TOP1MT: variants seen among roughly 807,000 people sequenced by gnomAD.
The protein encoded by TOP1MT is DNA topoisomerase I, mitochondrial.
In TOP1MT, 80 loss-of-function variants were observed where a neutral mutation model predicts 73.9. That is an observed-to-expected ratio of 1.08 (90% CI 0.90 to 1.30). The LOEUF (loss-of-function observed/expected upper bound fraction) is 1.30. Ranked by LOEUF, TOP1MT falls within the 50% of genes most tolerant of loss-of-function variation. The pLI, the probability that TOP1MT is intolerant of heterozygous loss-of-function variation, is 0.00. For missense variants in TOP1MT, 815 were observed against 808.0 expected (o/e 1.01, Z -0.10); for synonymous variants, 338 against 326.4 (o/e 1.04, Z -0.38).
intron 1 of TOP1MT, among the ~76,000 whole-genome samples, chr8:143,354,809 C>G (rs1011226020): frequency 1.3e-5 from 2 of 151,964 alleles, no homozygotes; most frequent in South Asian, 2.1e-4. Flanking sequence ...AGAACCAGAA[C>G]AGGTCCAGAG....
At chr8:143,315,524 C>T (rs7815223) in intron 12 of TOP1MT, among the ~76,000 whole-genome samples, 52,717 of 151,856 alleles carry the variant, frequency 0.35, 10,669 homozygotes, top group African/African-American at 0.55. Flanking sequence ...GGGGCCACTA[C>T]CAGTCTCCGC....
At chr8:143,342,953 G>C (rs1303639651) in intron 2 of TOP1MT, among the ~76,000 whole-genome samples, 1 of 151,976 alleles carries the variant, frequency 6.6e-6, no homozygotes, top group Non-Finnish European at 1.5e-5. Context: ...TAGAGAGGGG[G>C]TTTCATCATG....
At chr8:143,339,807 A>T (rs1244641258), upstream of TOP1MT, among the ~76,000 whole-genome samples, 3 of 133,336 alleles carry the variant, frequency 2.2e-5, 1 homozygote, top group African/African-American at 8.8e-5. Flanking sequence ...ACAGCATTCC[A>T]CCCCTGCCAG....
At chr8:143,347,791 C>A (rs956290937), upstream of TOP1MT, among the ~76,000 whole-genome samples, 2 of 152,142 alleles carry the variant, frequency 1.3e-5, no homozygotes, top group East Asian at 3.9e-4. Flanking sequence ...GAGGGCAGAG[C>A]CACCCTCAGT....
At chr8:143,348,788 A>G (rs1042276149), upstream of TOP1MT, among the ~76,000 whole-genome samples, 1 of 152,176 alleles carries the variant, frequency 6.6e-6, no homozygotes, top group African/African-American at 2.4e-5. This position sits in a 1 kb window ranked among gnomAD's most constrained non-coding sequence, Gnocchi z 4.6. Flanking sequence ...GCCAGCCAGA[A>G]AACGGCCCTT....
At chr8:143,324,291 G>A in intron 6 of TOP1MT, 149 bp from the exon 7 acceptor site, 1 of 1,342,498 alleles carries the variant, frequency 7.4e-7, no homozygotes, top group Non-Finnish European at 1.0e-6. Context: ...GCTGGGTGAT[G>A]CCGGCAGTGA....
In TOP1MT at chr8:143,324,067, G is replaced by A. The variant is rs912571568; in HGVS notation, c.892C>T (p.Arg298Trp). The A allele has an allele frequency of 7.4e-6, 12 of 1,613,780 alleles. No homozygotes were observed. The highest frequency in any genetic ancestry group is 3.3e-5 in the Admixed American group (2 of 60,010). Residue 298 changes from arginine to tryptophan, a missense_variant, in exon 7 of 14, where the codon CGG (arginine) becomes TGG (tryptophan). Transcript: ENST00000329245. ...GFVDEIRSQY[R>W]ADWKSREMKT... ...ATTTCCCGAGACTTCCAGTCAGCCC[G>A]GTACTGGGAGCGGATCTCGTCCACA...
In TOP1MT at chr8:143,310,786, C is replaced by T. The variant is rs576149682; in HGVS notation, c.1554-569G>A. On this transcript the variant is annotated intron_variant, in intron 12 of 13. Transcript: ENST00000329245. Reference sequence around the variant, plus strand: ...AAATACGGCTGAGAATGGGGCAGCCCGCCGGGCCAGAAGCATAGGTCCGGG... The same window carrying T: ...AAATACGGCTGAGAATGGGGCAGCCTGCCGGGCCAGAAGCATAGGTCCGGG... 2.6e-5 allele frequency among the ~76,000 whole-genome samples: 4 copies of T among 152,332 alleles called. No homozygotes were observed. In the South Asian group the frequency reaches 8.3e-4, roughly 32 times the overall value.
chr8:143,342,841 G>T (rs182687221), intron 2 of TOP1MT, among the ~76,000 whole-genome samples: 2 of 144,100 alleles, frequency 1.4e-5, no homozygotes, highest in Non-Finnish European at 3.0e-5. Context: ...CTGGAGTGCA[G>T]TGGCGTGATC....
chr8:143,325,846 A>G (rs1378331165), intron 4 of TOP1MT, among the ~76,000 whole-genome samples: 1 of 152,202 alleles, frequency 6.6e-6, no homozygotes, highest in Non-Finnish European at 1.5e-5. Context: ...AGGAGGGCTA[A>G]GGGAATCCCT....
In TOP1MT at chr8:143,325,413, C is replaced by A; in HGVS notation, c.604G>T (p.Asp202Tyr). ...TTCAGCATCCCCATCTTGGGATGGT[C>A]GCCACGGCCACGGAACAAGCCAGGC... ...EPPGLFRGRGDHPKMGMLKRR... is the reference protein window; with the variant it reads ...EPPGLFRGRGYHPKMGMLKRR... Residue 202 changes from aspartate (D) to tyrosine (Y), a missense_variant, in exon 5 of 14, where the codon GAC (aspartate) becomes TAC (tyrosine). Transcript: ENST00000329245. 1 of 1,612,620 alleles carries A rather than the reference C, an allele frequency of 6.2e-7. No homozygotes were observed. Among genetic ancestry groups the A allele is most frequent in the African/African-American group, 1.3e-5 (1 of 75,032 alleles).
chr8:143,345,541 G>T (rs1479627051), upstream of TOP1MT, among the ~76,000 whole-genome samples: 1 of 152,208 alleles, frequency 6.6e-6, no homozygotes, highest in East Asian at 1.9e-4. Context: ...AGGGCCTCTC[G>T]GGCTATACTC....
At position 143,315,833 on chromosome 8, in the gene TOP1MT, G is replaced by T; in HGVS notation, c.1459-12C>A. ...TTCTTTGCCTGGATCTGCAGGAAAA[G>T]GGTCCAGACAGGGCTGCCCCTCCCC... On this transcript the variant is annotated splice_polypyrimidine_tract_variant and intron_variant, in intron 11 of 13. Coordinates refer to ENST00000329245, the MANE Select transcript of TOP1MT (RefSeq NM_052963.3). The T allele has an allele frequency of 6.2e-7, 1 of 1,612,788 alleles. No individual in the cohort carries two copies. Among genetic ancestry groups the T allele is most frequent in the South Asian group, 1.1e-5 (1 of 91,082 alleles).
At chr8:143,326,117 G>A in intron 4 of TOP1MT, 105 bp downstream of exon 4, 3 of 1,327,260 alleles carry the variant, frequency 2.3e-6, no homozygotes, top group Non-Finnish European at 3.1e-6. Flanking sequence ...AGCTTTGTGA[G>A]AAGGGGCTTC....
intron 7 of TOP1MT, among the ~76,000 whole-genome samples, chr8:143,323,776 C>T (rs12681973): frequency 0.32 from 45,832 of 142,410 alleles, 9,504 homozygotes; most frequent in African/African-American, 0.48. Flanking sequence ...ATGCCACACA[C>T]AGGCACACCA....
chr8:143,349,694 G>A (rs1455992061), upstream of TOP1MT, among the ~76,000 whole-genome samples: 1 of 150,398 alleles, frequency 6.6e-6, no homozygotes, highest in African/African-American at 2.5e-5. Flanking sequence ...AGGTTGGAGT[G>A]CAGTGGCATG....
In TOP1MT at chr8:143,321,374, C is replaced by T. The variant is rs760932968; in HGVS notation, c.973G>A (p.Ala325Thr). ...LYFIDKLALR[A>T]GNEKEDGEAA... ...TCACCGTCCTCCTTCTCATTTCCTG[C>T]TCTCAGTGCCAGCTAGTTGGTGGGG... Residue 325 changes from alanine (A) to threonine (T), a missense_variant, in exon 8 of 14, where the codon GCA (alanine) becomes ACA (threonine). Physicochemically the swap from Ala to Thr is moderately conservative, Grantham distance 58 (BLOSUM62 0). Transcript: ENST00000329245. The T allele has an allele frequency of 2.6e-5, 42 of 1,586,954 alleles. No individual in the cohort carries two copies. The highest frequency in any genetic ancestry group is 3.4e-5 in the Non-Finnish European group (40 of 1,160,872).
Position 143,334,833 on chromosome 8 carries a change from C to CGGA in TOP1MT, c.26_28dup (p.Leu9dup). ...CTCCCCGAGCAGCGTCAGAGCCGCCCGGAGCCGCAGCAGCCGCACCACGCG... is the reference window on the plus strand; with the variant it reads ...CTCCCCGAGCAGCGTCAGAGCCGCCCGGAGGAGCCGCAGCAGCCGCACCACGCG... On this transcript the variant is annotated inframe_insertion, in exon 1 of 14. Transcript: ENST00000329245. 6.6e-7 allele frequency: 1 copy of CGGA among 1,520,606 alleles called. No homozygotes were observed. The highest frequency in any genetic ancestry group is 8.7e-7 in the Non-Finnish European group (1 of 1,149,014). The allele number at this position is 1,520,606 out of a possible 1,614,324, so 94.2% of individuals were successfully genotyped here. A position where few individuals can be genotyped will look rare whatever the true frequency, so the allele number is the denominator to read the frequency against.
chr8:143,341,598 T>C lies in TOP1MT; in HGVS notation c.29+1622A>G, dbSNP rs1429207660. ...ATGCTTTTAACTCAGCTTTGGAAAA[T>C]GGCCTCTTGATCTCAGCCCTTGTGG... On this transcript the variant is annotated intron_variant, in intron 2 of 5. Transcript: ENST00000518007. This position sits in a 1 kb window ranked among gnomAD's most constrained non-coding sequence, Gnocchi z 4.1. Among the ~76,000 whole-genome samples the C allele has an allele frequency of 1.3e-5, 2 of 152,178 alleles. No homozygotes were observed. The highest frequency in any genetic ancestry group is 2.1e-4 in the South Asian group (1 of 4,826).
Sources: gnomAD v4.1 joint callset for allele counts (sites outside exome capture counted in the v4.1 genomes callset) on GRCh38, gnomAD v4.1.1 for gene constraint, Gnocchi (gnomAD v3.1) non-coding constraint, MANE v1.5 for transcripts, NCBI Gene and HGNC (gene_info 2026-07-23, HGNC 2026-07-21) for gene names.